Variants in GNL2 observed in about 807,000 individuals in gnomAD.
GNL2 encodes the protein G protein nucleolar 2, also known as nucleolar GTP-binding protein 2.
In GNL2, 51 loss-of-function variants were observed where a neutral mutation model predicts 92.3. The observed-to-expected ratio is 0.55, with a 90% CI of 0.44 to 0.70. The LOEUF (loss-of-function observed/expected upper bound fraction) is 0.70, where lower values mean the gene tolerates loss of function less well. Among genes scored for constraint, GNL2 ranks in the 30% least tolerant of loss-of-function variants. The pLI, the probability that GNL2 is intolerant of heterozygous loss-of-function variation, is 0.00. For synonymous variants in GNL2, 283 were observed against 300.6 expected (o/e 0.94, Z 0.61); for missense variants, 844 against 895.6 (o/e 0.94, Z 0.74).
chr1:37,594,303 T>C (rs549300179), intron 1 of GNL2, among the ~76,000 whole-genome samples: 1 of 152,320 alleles, frequency 6.6e-6, no homozygotes, highest in South Asian at 2.1e-4. Context: ...ACCACGAAGA[T>C]ACCTACCTCT....
intron 8 of GNL2, 122 bp downstream of exon 8, chr1:37,582,101 C>T (rs1286848960): frequency 3.3e-6 from 2 of 614,298 alleles, no homozygotes; most frequent in Non-Finnish European, 5.7e-6. Flanking sequence ...GCTAGGACTA[C>T]AGACCTGCGC....
At chr1:37,578,068 C>T (rs1263651461) in intron 8 of GNL2, among the ~76,000 whole-genome samples, 1 of 152,160 alleles carries the variant, frequency 6.6e-6, no homozygotes, top group Non-Finnish European at 1.5e-5. Flanking sequence ...TTGAAAGATT[C>T]TCTTCTGGGG....
intron 2 of GNL2, among the ~76,000 whole-genome samples, chr1:37,593,261 C>T (rs897733046): frequency 1.3e-5 from 2 of 152,278 alleles, no homozygotes; most frequent in South Asian, 2.1e-4. Context: ...TTAGGACAGA[C>T]GGAGATGGAG....
chr1:37,595,030 T>C (rs1643913077), intron 1 of GNL2, among the ~76,000 whole-genome samples: 1 of 152,236 alleles, frequency 6.6e-6, no homozygotes, highest in Non-Finnish European at 1.5e-5. Context: ...TGTAAAATCA[T>C]AATCTCTAAG....
intron 4 of GNL2, among the ~76,000 whole-genome samples, chr1:37,589,331 G>C (rs1474646078): frequency 6.6e-6 from 1 of 152,244 alleles, no homozygotes; most frequent in African/African-American, 2.4e-5. Context: ...TTGAGACGGA[G>C]TCTTGCTCTG....
At chr1:37,592,302 C>G (rs182466635) in intron 3 of GNL2, among the ~76,000 whole-genome samples, 4 of 152,236 alleles carry the variant, frequency 2.6e-5, no homozygotes, top group African/African-American at 9.6e-5. Context: ...CACCCAAGTT[C>G]AAATAAAAAC....
At position 37,576,454 on chromosome 1, in the gene GNL2, C is replaced by T. The variant is rs1420037504; in HGVS notation, c.1012G>A (p.Val338Met). The stretch of plus-strand genomic sequence containing the variant: ...TTTGTTTCACCTGCAATGGGAGCCA[C>T]GTTGCAAACTTTCTTAGAACGCAAT... ...NTLRSKKVCN[V>M]APIAGETKVW... The change falls in exon 9 of 16, where the codon GTG (valine) becomes ATG (methionine). Residue 338 changes from valine (V) to methionine (M), a missense_variant. Transcript: ENST00000373062. 3.1e-6 allele frequency: 5 copies of T among 1,613,940 alleles called. No homozygotes were observed. The highest frequency in any genetic ancestry group is 2.2e-5 in the South Asian group (2 of 91,048).
chr1:37,582,147 T>C lies in GNL2; in HGVS notation c.909+76A>G, dbSNP rs1643780122. ...GGCTAAGAAGTTGGCAACTTTCTGC[T>C]ATGCCATGGCAAGACAGATTCTTAT... On this transcript the variant is annotated intron_variant, in intron 8 of 15. Transcript: ENST00000373062. 4.1e-6 allele frequency: 4 copies of C among 968,518 alleles called. No homozygotes were observed. In the South Asian group the frequency reaches 4.8e-5, roughly 12 times the overall value. The allele number at this position is 968,518 out of a possible 1,614,324, so 60.0% of individuals were successfully genotyped here.
intron 14 of GNL2, 37 bp from the exon 15 acceptor site, chr1:37,567,801 T>C (rs1643530438): frequency 6.6e-7 from 1 of 1,525,360 alleles, no homozygotes; most frequent in African/African-American, 1.4e-5. Flanking sequence ...AATTTTCTAT[T>C]GAAAATTTGT....
At chr1:37,588,739 A>T (rs1260146587) in intron 4 of GNL2, among the ~76,000 whole-genome samples, 1 of 152,242 alleles carries the variant, frequency 6.6e-6, no homozygotes, top group Non-Finnish European at 1.5e-5. Flanking sequence ...ACAGAAATAC[A>T]GTAGTTCTAA....
chr1:37,574,055 G>C (rs1254463204), intron 12 of GNL2, among the ~76,000 whole-genome samples: 1 of 152,048 alleles, frequency 6.6e-6, no homozygotes, highest in Non-Finnish European at 1.5e-5. Flanking sequence ...ATCATGCTAG[G>C]TTAATTTTTG....
rs1193875640 is a variant in GNL2, at chr1:37,574,659, G to A, written c.1302+6C>T. ...TCAGTCTAAATTCTCACAAACGCCGGGTCACCTTTAGTAACTTCCCAGTCC... is the reference window on the plus strand; with the variant it reads ...TCAGTCTAAATTCTCACAAACGCCGAGTCACCTTTAGTAACTTCCCAGTCC... On this transcript the variant is annotated splice_donor_region_variant and intron_variant, in intron 11 of 15. Coordinates refer to ENST00000373062, the MANE Select transcript of GNL2 (RefSeq NM_013285.3). The A allele has an allele frequency of 6.2e-7, 1 of 1,612,868 alleles. No homozygotes were observed. Among genetic ancestry groups the A allele is most frequent in the East Asian group, 2.2e-5 (1 of 44,872 alleles).
chr1:37,575,502 G>T lies in GNL2; in HGVS notation c.1143+93C>A. On this transcript the variant is annotated intron_variant, in intron 10 of 15. Coordinates refer to ENST00000373062, the MANE Select transcript of GNL2 (RefSeq NM_013285.3). The surrounding 1 kb of genome is among the most constrained non-coding windows in gnomAD (Gnocchi z 4.1). ...TGGTCAGACAGGCTGACCCCAAACT[G>T]CCTTCTTAATAAGTAAAAAGGAAAG... The T allele has an allele frequency of 1.5e-6, 1 of 676,760 alleles. No individual in the cohort carries two copies. Among genetic ancestry groups the T allele is most frequent in the Non-Finnish European group, 2.5e-6 (1 of 405,042 alleles). The allele number at this position is 676,760 out of a possible 1,614,324, so 41.9% of individuals were successfully genotyped here.
intron 1 of GNL2, among the ~76,000 whole-genome samples, chr1:37,594,260 T>C (rs1196349122): frequency 6.6e-6 from 1 of 152,232 alleles, no homozygotes; most frequent in East Asian, 1.9e-4. Context: ...CCAGAATTTG[T>C]ACATGAGCAT....
chr1:37,567,975 G>C (rs1643533847), intron 14 of GNL2: 1 of 596,048 alleles, frequency 1.7e-6, no homozygotes, highest in African/African-American at 1.9e-5. Context: ...TGGTCAAATG[G>C]AGGAATGGAT....
chr1:37,581,304 A>T (rs746314829), intron 8 of GNL2: 1 of 453,050 alleles, frequency 2.2e-6, no homozygotes, highest in Admixed American at 2.4e-5. Context: ...GAAGCCAGGT[A>T]GAATTAACTA....
intron 1 of GNL2, chr1:37,594,075 T>C (rs969261280): frequency 5.9e-6 from 3 of 507,186 alleles, no homozygotes; most frequent in Non-Finnish European, 1.1e-5. Context: ...TTGAGAAGAA[T>C]AGCTAATATT....
chr1:37,593,072 T>G (rs1410842934), intron 2 of GNL2, among the ~76,000 whole-genome samples: 1 of 152,158 alleles, frequency 6.6e-6, no homozygotes, highest in African/African-American at 2.4e-5. Flanking sequence ...GGTTACTGTT[T>G]ACTTTAAAAA....
chr1:37,578,716 C>A (rs985809696), intron 8 of GNL2, among the ~76,000 whole-genome samples: 3 of 152,040 alleles, frequency 2.0e-5, no homozygotes, highest in African/African-American at 2.4e-5. Context: ...CACCACTATG[C>A]CTTGCTAATT....
Sources: gnomAD v4.1 joint callset for allele counts (sites outside exome capture counted in the v4.1 genomes callset) on GRCh38, gnomAD v4.1.1 for gene constraint, Gnocchi (gnomAD v3.1) non-coding constraint, MANE v1.5 for transcripts, NCBI Gene and HGNC (gene_info 2026-07-23, HGNC 2026-07-21) for gene names.